Variants in EPB41L3 observed in about 807,000 individuals in gnomAD.
EPB41L3 encodes erythrocyte membrane protein band 4.1 like 3, also known as band 4.1-like protein 3.
EPB41L3 carries 57 observed loss-of-function variants against 127.1 expected under a neutral mutation model. The observed-to-expected ratio is 0.45, with a 90% CI of 0.36 to 0.56. The LOEUF (loss-of-function observed/expected upper bound fraction) is 0.56, where lower values mean the gene tolerates loss of function less well. Ranked by LOEUF, EPB41L3 falls within the 20% of genes least tolerant of loss-of-function variation. The probability of loss-of-function intolerance (pLI) is 0.00; values close to 1 mark genes in which losing one functional copy is unlikely to be tolerated. For synonymous variants in EPB41L3, 572 were observed against 549.5 expected (o/e 1.04, Z -0.57); for missense variants, 1,273 against 1,372.2 (o/e 0.93, Z 1.14).
intron 14 of EPB41L3, among the ~76,000 whole-genome samples, chr18:5,408,343 G>A (rs942090822): frequency 6.9e-6 from 1 of 145,630 alleles, no homozygotes; most frequent in African/African-American, 2.6e-5. Flanking sequence ...GCGTGATCTC[G>A]GCTCACTGCA....
At chr18:5,622,571 G>T (rs1391329787) in intron 1 of EPB41L3, among the ~76,000 whole-genome samples, 2 of 152,106 alleles carry the variant, frequency 1.3e-5, no homozygotes, top group African/African-American at 4.8e-5. Flanking sequence ...TTTAGGGTTT[G>T]CAGGCTACAT....
At chr18:5,394,880 A>G (rs2073090220) in intron 21 of EPB41L3, 87 bp from the exon 22 acceptor site, 11 of 1,276,496 alleles carry the variant, frequency 8.6e-6, no homozygotes, top group Middle Eastern at 1.9e-4. Flanking sequence ...TATGAGCTAG[A>G]TCTATATCCA....
At chr18:5,609,029 T>C (rs552217423) in intron 3 of EPB41L3, among the ~76,000 whole-genome samples, 1 of 152,310 alleles carries the variant, frequency 6.6e-6, no homozygotes, top group East Asian at 1.9e-4. Context: ...CATGCTAACA[T>C]TCAATACATT....
chr18:5,475,550 G>A (rs960827331), intron 3 of EPB41L3, among the ~76,000 whole-genome samples: 1 of 152,188 alleles, frequency 6.6e-6, no homozygotes, highest in African/African-American at 2.4e-5. Flanking sequence ...TTACAAAATG[G>A]TTTTGACAAC....
intron 2 of EPB41L3, 78 bp downstream of exon 2, chr18:5,488,923 G>T: frequency 1.4e-6 from 2 of 1,456,730 alleles, no homozygotes; most frequent in Non-Finnish European, 1.8e-6. Flanking sequence ...TGCCTCTAGG[G>T]CTAAGAGACC....
intron 3 of EPB41L3, among the ~76,000 whole-genome samples, chr18:5,455,407 C>T: frequency 6.6e-6 from 1 of 152,126 alleles, no homozygotes. Context: ...ACACACACTC[C>T]CAGAACAGTT....
At chr18:5,466,143 C>T (rs2084938765) in intron 3 of EPB41L3, among the ~76,000 whole-genome samples, 1 of 152,158 alleles carries the variant, frequency 6.6e-6, no homozygotes, top group Admixed American at 6.5e-5. Context: ...GCCAGATTTT[C>T]CCTTACTCCT....
chr18:5,478,287 C>A lies in EPB41L3; in HGVS notation c.335G>T (p.Cys112Phe). 5 of 1,614,144 alleles carry A rather than the reference C, an allele frequency of 3.1e-6. No individual in the cohort carries two copies. Among genetic ancestry groups the A allele is most frequent in the Non-Finnish European group, 4.2e-6 (5 of 1,180,018 alleles). ...KIVKKPKSMQ[C>F]KVILLDGSEY... Reference sequence around the variant, plus strand: ...TGATCCATCGAGAAGTATCACTTTGCACTGCATGCTTTTAGGCTTTTTGAC... The same window carrying A: ...TGATCCATCGAGAAGTATCACTTTGAACTGCATGCTTTTAGGCTTTTTGAC... Residue 112 changes from cysteine (C) to phenylalanine (F), a missense_variant, in exon 3 of 23, where the codon TGC becomes TTC. This residue lies in a region of EPB41L3 where 182 missense variants were observed against 149.2 expected (regional missense o/e 1.22). Transcript: ENST00000341928.
chr18:5,528,992 C>G (rs1794285975), intron 1 of EPB41L3: 1 of 152,194 alleles, frequency 6.6e-6, no homozygotes, highest in African/African-American at 2.4e-5. Context: ...TTCTGCTCAT[C>G]TGTGATCAAG....
chr18:5,514,772 C>T (rs1041402342), intron 1 of EPB41L3, among the ~76,000 whole-genome samples: 1 of 152,104 alleles, frequency 6.6e-6, no homozygotes, highest in Non-Finnish European at 1.5e-5. Context: ...TTTCTCACTC[C>T]ATATGTTTCT....
At chr18:5,437,908 TTTTG>T (rs1332204641) in intron 6 of EPB41L3, 123 bp downstream of exon 6, 1 of 739,242 alleles carries the variant, frequency 1.4e-6, no homozygotes, top group Admixed American at 3.0e-5. Flanking sequence ...TTCATTTGCC[TTTTG>T]TTTGCCATTT....
chr18:5,607,500 A>G (rs957478942), intron 3 of EPB41L3, among the ~76,000 whole-genome samples: 5 of 152,204 alleles, frequency 3.3e-5, no homozygotes, highest in Admixed American at 6.5e-5. Flanking sequence ...TACCCTGACT[A>G]ATAAAGCAGG....
intron 1 of EPB41L3, among the ~76,000 whole-genome samples, chr18:5,524,178 T>TTTG (rs1337033714): frequency 6.6e-6 from 1 of 152,036 alleles, no homozygotes; most frequent in South Asian, 2.1e-4. Context: ...CATTTTTTTT[T>TTTG]TTGTTGTTGT....
chr18:5,509,016 CTTCAGAGGCCAGT>C (rs1405866722), intron 1 of EPB41L3, among the ~76,000 whole-genome samples: 1 of 152,168 alleles, frequency 6.6e-6, no homozygotes, highest in Non-Finnish European at 1.5e-5. Flanking sequence ...CAGAGGCCAG[CTTCAGAGGCCAGT>C]AGGGAAAACA....
chr18:5,401,262 C>T (rs2074451742), intron 16 of EPB41L3, among the ~76,000 whole-genome samples: 1 of 152,022 alleles, frequency 6.6e-6, no homozygotes, highest in Non-Finnish European at 1.5e-5. Context: ...TTCCAAAGAG[C>T]TCAGATTTTC....
At position 5,447,237 on chromosome 18, in the gene EPB41L3, T is replaced by G. The variant is rs533726397; in HGVS notation, c.382-1993A>C. On this transcript the variant is annotated intron_variant, in intron 3 of 22. Coordinates refer to ENST00000341928, the MANE Select transcript of EPB41L3 (RefSeq NM_012307.5). ...ATTCAAATGTGGCCTAGTGGTGGCATATATTAAGCATTCCATAGATGTCAG... is the reference window on the plus strand; with the variant it reads ...ATTCAAATGTGGCCTAGTGGTGGCAGATATTAAGCATTCCATAGATGTCAG... Among the ~76,000 whole-genome samples the G allele has an allele frequency of 4.0e-4, 61 of 152,306 alleles. No homozygotes were observed. In the South Asian group the frequency reaches 0.012, roughly 31 times the overall value.
At chr18:5,531,915 T>C (rs1391929009) in intron 1 of EPB41L3, among the ~76,000 whole-genome samples, 1 of 152,124 alleles carries the variant, frequency 6.6e-6, no homozygotes, top group Non-Finnish European at 1.5e-5. Context: ...GAAGAGAATG[T>C]GTATTTTAAG....
intron 1 of EPB41L3, among the ~76,000 whole-genome samples, chr18:5,507,056 A>C (rs950556124): frequency 2.0e-5 from 3 of 152,180 alleles, no homozygotes; most frequent in Non-Finnish European, 4.4e-5. Flanking sequence ...GTGTAAAATG[A>C]AACAGGCAAA....
chr18:5,474,013 C>T (rs938298339), intron 3 of EPB41L3, among the ~76,000 whole-genome samples: 3 of 152,018 alleles, frequency 2.0e-5, no homozygotes, highest in Admixed American at 6.5e-5. Flanking sequence ...GGGTGGATCA[C>T]GAGGTCAGGA....
Sources: gnomAD v4.1 joint callset for allele counts (sites outside exome capture counted in the v4.1 genomes callset) on GRCh38, gnomAD v4.1.1 for gene constraint, gnomAD v4.1.1 regional missense constraint, MANE v1.5 for transcripts, NCBI Gene and HGNC (gene_info 2026-07-23, HGNC 2026-07-21) for gene names.